Variants in PTGER4 observed in about 807,000 individuals in gnomAD.
PTGER4 encodes prostaglandin E receptor 4, also known as prostaglandin E2 receptor EP4 subtype.
PTGER4 carries 11 observed loss-of-function variants against 33.2 expected under a neutral mutation model. The observed-to-expected ratio is 0.33, with a 90% confidence interval of 0.21 to 0.55. The LOEUF (loss-of-function observed/expected upper bound fraction) is 0.55. Among genes scored for constraint, PTGER4 ranks in the 20% least tolerant of loss-of-function variants. The pLI, the probability that PTGER4 is intolerant of heterozygous loss-of-function variation, is 0.92. For missense variants in PTGER4, 481 were observed against 650.2 expected (o/e 0.74, Z 2.83); for synonymous variants, 275 against 281.5 (o/e 0.98, Z 0.23).
chr5:40,745,812 G>A, the PTGER4 span, among the ~76,000 whole-genome samples: 31 of 151,730 alleles, frequency 2.0e-4, no homozygotes, highest in African/African-American at 4.8e-4. Flanking sequence ...ATAGCTCACC[G>A]CATCCTCGAA....
the PTGER4 span, among the ~76,000 whole-genome samples, chr5:40,740,344 G>A: frequency 6.6e-6 from 1 of 151,372 alleles, no homozygotes; most frequent in East Asian, 1.9e-4. Flanking sequence ...TACTGGTAAT[G>A]GGTTATCTCA....
At chr5:40,695,071 G>A (rs1741560992), downstream of PTGER4, among the ~76,000 whole-genome samples, 1 of 148,682 alleles carries the variant, frequency 6.7e-6, no homozygotes. Context: ...CAATCTAACC[G>A]ATTAGATCAA....
At chr5:40,721,992 T>C in the PTGER4 span, among the ~76,000 whole-genome samples, 1 of 152,170 alleles carries the variant, frequency 6.6e-6, no homozygotes, top group African/African-American at 2.4e-5. Flanking sequence ...TGAATAGACA[T>C]TTCTCTAAAT....
the PTGER4 span, among the ~76,000 whole-genome samples, chr5:40,702,650 T>C: frequency 1.3e-5 from 2 of 152,234 alleles, no homozygotes; most frequent in Non-Finnish European, 2.9e-5. Context: ...AATTCAGCAC[T>C]GGACCAAATG....
the PTGER4 span, among the ~76,000 whole-genome samples, chr5:40,701,448 G>A: frequency 2.0e-5 from 3 of 152,072 alleles, no homozygotes; most frequent in African/African-American, 4.8e-5. Flanking sequence ...TTGAAGACTG[G>A]TTCTCTGAAA....
Position 40,692,069 on chromosome 5 carries a change from G to T in PTGER4, c.1158G>T (p.Lys386Asn), listed in dbSNP as rs774046146. The change falls in exon 3 of 3, where the codon AAG (lysine) becomes AAT (asparagine). Residue 386 changes from lysine (K) to asparagine (N), a missense_variant. Transcript: ENST00000302472. ...HSRSFISRELKEISSTSQTLL... is the reference protein window; with the variant it reads ...HSRSFISRELNEISSTSQTLL... Reference sequence around the variant, plus strand: ...GCTCCTTCATCTCCCGGGAGCTGAAGGAGATCAGCAGTACATCTCAGACCC... The same window carrying T: ...GCTCCTTCATCTCCCGGGAGCTGAATGAGATCAGCAGTACATCTCAGACCC... 6 of 1,614,208 alleles carry T rather than the reference G, an allele frequency of 3.7e-6. No individual in the cohort carries two copies. The South Asian group carries it at 6.6e-5, about 18-fold the overall frequency.
At chr5:40,729,628 A>G in the PTGER4 span, among the ~76,000 whole-genome samples, 2 of 152,216 alleles carry the variant, frequency 1.3e-5, no homozygotes, top group Non-Finnish European at 2.9e-5. Context: ...TAAGTCTACT[A>G]TATTTAATCA....
chr5:40,713,929 A>G, the PTGER4 span, among the ~76,000 whole-genome samples: 1 of 152,188 alleles, frequency 6.6e-6, no homozygotes, highest in Admixed American at 6.6e-5. Context: ...ATGAGCTAAA[A>G]TAAGCATTTT....
chr5:40,710,577 G>A, the PTGER4 span, among the ~76,000 whole-genome samples: 7 of 152,280 alleles, frequency 4.6e-5, no homozygotes, highest in South Asian at 1.5e-3. Flanking sequence ...CCATTACTGG[G>A]TATATAACCA....
chr5:40,680,863 A>G lies in PTGER4; in HGVS notation c.-43-88A>G. On this transcript the variant is annotated intron_variant, in intron 1 of 2. Transcript: ENST00000302472. The surrounding 1 kb of genome is among the most constrained non-coding windows in gnomAD (Gnocchi z 5.5). ...ATCGAGTTGCTCCCCTTGTCTTATCAGTGTATCGTTTCTCGGGCGCGGGTC... is the reference window on the plus strand; with the variant it reads ...ATCGAGTTGCTCCCCTTGTCTTATCGGTGTATCGTTTCTCGGGCGCGGGTC... The G allele has an allele frequency of 2.6e-6, 3 of 1,148,784 alleles. No individual in the cohort carries two copies. Among genetic ancestry groups the G allele is most frequent in the Non-Finnish European group, 3.7e-6 (3 of 812,298 alleles). The allele number at this position is 1,148,784 out of a possible 1,614,324, so 71.2% of individuals were successfully genotyped here.
At chr5:40,703,547 G>A in the PTGER4 span, among the ~76,000 whole-genome samples, 659 of 152,122 alleles carry the variant, frequency 4.3e-3, 5 homozygotes, top group African/African-American at 0.015. Flanking sequence ...AGTCATAGCC[G>A]AATTCTACCA....
the PTGER4 span, among the ~76,000 whole-genome samples, chr5:40,744,083 G>A: frequency 4.7e-3 from 719 of 152,284 alleles, 9 homozygotes; most frequent in African/African-American, 0.017. Flanking sequence ...ACTTTTAACA[G>A]GCATTTACAG....
chr5:40,738,839 A>G, the PTGER4 span, among the ~76,000 whole-genome samples: 17 of 152,198 alleles, frequency 1.1e-4, no homozygotes, highest in South Asian at 2.1e-4. Context: ...GGTCATTCAT[A>G]TATTTTCTTT....
the PTGER4 span, among the ~76,000 whole-genome samples, chr5:40,705,133 A>T: frequency 2.6e-5 from 4 of 152,222 alleles, no homozygotes; most frequent in African/African-American, 9.6e-5. Flanking sequence ...AGGCACATAG[A>T]ACAATGGAAC....
At chr5:40,686,305 C>A (rs886922665) in intron 2 of PTGER4, among the ~76,000 whole-genome samples, 2 of 152,194 alleles carry the variant, frequency 1.3e-5, no homozygotes, top group East Asian at 3.8e-4. Context: ...AAGAGTTCAA[C>A]ATTCTTTCTT....
chr5:40,735,737 G>C, the PTGER4 span, among the ~76,000 whole-genome samples: 634 of 152,324 alleles, frequency 4.2e-3, 3 homozygotes, highest in African/African-American at 0.015. Flanking sequence ...TAGCATGGTG[G>C]TGTGGAAGAT....
At chr5:40,723,471 C>G in the PTGER4 span, among the ~76,000 whole-genome samples, 2 of 149,434 alleles carry the variant, frequency 1.3e-5, no homozygotes, top group Non-Finnish European at 3.0e-5. Flanking sequence ...TTAAAAACCT[C>G]AAAGCATAGG....
At chr5:40,686,129 T>A (rs1487987728) in intron 2 of PTGER4, among the ~76,000 whole-genome samples, 1 of 152,184 alleles carries the variant, frequency 6.6e-6, no homozygotes, top group Non-Finnish European at 1.5e-5. Flanking sequence ...AACAGCTGTG[T>A]CAATTTTGGA....
the PTGER4 span, among the ~76,000 whole-genome samples, chr5:40,707,772 T>C: frequency 6.6e-6 from 1 of 152,116 alleles, no homozygotes; most frequent in African/African-American, 2.4e-5. Context: ...ACTGACCACA[T>C]AGTTGGAAGT....
Sources: allele counts gnomAD v4.1 joint callset (sites outside exome capture counted in the v4.1 genomes callset), GRCh38; gene constraint gnomAD v4.1.1; non-coding constraint Gnocchi (gnomAD v3.1); transcripts MANE v1.5; gene names NCBI Gene and HGNC (gene_info 2026-07-23, HGNC 2026-07-21).